The following MED27 variants were observed in gnomAD, a reference collection of about 807,000 sequenced individuals.
MED27 encodes mediator complex subunit 27.
In MED27, 30 loss-of-function variants were observed where a neutral mutation model predicts 38.2. The observed-to-expected ratio is 0.79, with a 90% CI of 0.59 to 1.07. The LOEUF is 1.07. MED27 is among the 50% of genes least tolerant of loss of function. MED27 has a pLI of 0.00. For synonymous variants in MED27, 122 were observed against 153.5 expected (o/e 0.79, Z 1.52); for missense variants, 289 against 397.5 (o/e 0.73, Z 2.32).
chr9:132,028,556 A>G (rs1231777860), intron 2 of MED27, among the ~76,000 whole-genome samples: 1 of 152,154 alleles, frequency 6.6e-6, no homozygotes. Context: ...GCATAACTGC[A>G]CAGCCAGACC....
Position 131,978,556 on chromosome 9 carries a change from G to A in MED27, c.479+35781C>T, listed in dbSNP as rs192927992. Among the ~76,000 whole-genome samples, 752 of 152,256 alleles carry A rather than the reference G, an allele frequency of 4.9e-3. 8 individuals are homozygous for A. The highest frequency in any genetic ancestry group is 0.017 in the Middle Eastern group (5 of 294). ...ATAGTGAAATGCTTATGGATTAAATGATATCTTAGATTTGCTTTGAAATAG... is the reference window on the plus strand; with the variant it reads ...ATAGTGAAATGCTTATGGATTAAATAATATCTTAGATTTGCTTTGAAATAG... On this transcript the variant is annotated intron_variant, in intron 3 of 7. Transcript: ENST00000292035.
intron 2 of MED27, among the ~76,000 whole-genome samples, chr9:132,070,411 G>A (rs534155124): frequency 2.6e-5 from 4 of 152,150 alleles, no homozygotes; most frequent in Non-Finnish European, 5.9e-5. Flanking sequence ...TTAAAAATTA[G>A]CTGGGCGTGG....
intron 4 of MED27, among the ~76,000 whole-genome samples, chr9:131,904,587 G>A (rs1268773989): frequency 2.6e-5 from 4 of 151,242 alleles, no homozygotes; most frequent in African/African-American, 9.7e-5. Flanking sequence ...TTGAACTCCC[G>A]GCCTCGAGCA....
At chr9:132,071,688 A>G (rs1016616346) in intron 2 of MED27, among the ~76,000 whole-genome samples, 6 of 151,968 alleles carry the variant, frequency 3.9e-5, no homozygotes, top group Non-Finnish European at 7.4e-5. Flanking sequence ...GCACACGTGT[A>G]TACGAGTAAC....
At chr9:132,063,304 T>C (rs1833738453) in intron 2 of MED27, among the ~76,000 whole-genome samples, 1 of 152,142 alleles carries the variant, frequency 6.6e-6, no homozygotes, top group Non-Finnish European at 1.5e-5. Context: ...CTCTGAAACC[T>C]TCCTTGAAAG....
intron 4 of MED27, among the ~76,000 whole-genome samples, chr9:131,926,348 G>C (rs1268331051): frequency 6.6e-6 from 1 of 152,192 alleles, no homozygotes; most frequent in Admixed American, 6.5e-5. Flanking sequence ...AAAAAGGCCA[G>C]CCTTCATCAG....
Position 131,862,468 on chromosome 9 carries a change from A to AT in MED27, c.801+594dup, listed in dbSNP as rs1006099049. On this transcript the variant is annotated intron_variant, in intron 7 of 7. Coordinates refer to ENST00000292035, the MANE Select transcript of MED27 (RefSeq NM_004269.4). This position sits in a 1 kb window ranked among gnomAD's most constrained non-coding sequence, Gnocchi z 4.6. ...ACTGGTGGCGGCGTGATAAATGCTG[A>AT]TAAACTGGCCCTGGGGTTCGGGGGA... 7.7e-4 allele frequency among the ~76,000 whole-genome samples: 117 copies of AT among 152,276 alleles called. No individual in the cohort carries two copies. Among genetic ancestry groups the AT allele is most frequent in the African/African-American group, 2.8e-3 (115 of 41,548 alleles).
At chr9:131,999,819 G>A (rs780028363) in intron 3 of MED27, among the ~76,000 whole-genome samples, 4 of 152,234 alleles carry the variant, frequency 2.6e-5, no homozygotes, top group Non-Finnish European at 4.4e-5. Context: ...TACAGGAAAG[G>A]AGGTGACAAG....
intron 3 of MED27, among the ~76,000 whole-genome samples, chr9:131,984,108 G>C (rs1029297780): frequency 6.6e-6 from 1 of 152,126 alleles, no homozygotes; most frequent in Non-Finnish European, 1.5e-5. Flanking sequence ...GACCTACACA[G>C]CTAACTCCCT....
At chr9:131,907,375 G>A (rs1006079939) in intron 4 of MED27, among the ~76,000 whole-genome samples, 9 of 152,140 alleles carry the variant, frequency 5.9e-5, no homozygotes, top group Non-Finnish European at 4.4e-5. Context: ...GCGCCGCCAC[G>A]CCTGACTGGT....
intron 4 of MED27, among the ~76,000 whole-genome samples, chr9:131,933,495 G>A (rs936366222): frequency 1.3e-5 from 2 of 151,864 alleles, no homozygotes; most frequent in East Asian, 1.9e-4. Context: ...AAAGTAATCC[G>A]ATTTAATAGC....
Position 131,973,649 on chromosome 9 carries a change from C to T in MED27, c.480-34175G>A, listed in dbSNP as rs575863074. ...GTCTTGCAGCCATCAAGGGAGCAGCCGGAGGAAGAACAGCAGTTTACAAAG... is the reference window on the plus strand; with the variant it reads ...GTCTTGCAGCCATCAAGGGAGCAGCTGGAGGAAGAACAGCAGTTTACAAAG... On this transcript the variant is annotated intron_variant, in intron 3 of 7. Transcript: ENST00000292035. Among the ~76,000 whole-genome samples the T allele has an allele frequency of 5.9e-5, 9 of 151,798 alleles. No homozygotes were observed. In the South Asian group the frequency reaches 1.2e-3, roughly 21 times the overall value.
At chr9:131,965,087 C>G in intron 3 of MED27, among the ~76,000 whole-genome samples, 1 of 152,220 alleles carries the variant, frequency 6.6e-6, no homozygotes, top group African/African-American at 2.4e-5. Flanking sequence ...GTTCAGATCC[C>G]TTAATCTTTT....
intron 7 of MED27, 31 bp downstream of exon 7, chr9:131,863,032 A>C (rs1401213295): frequency 6.2e-7 from 1 of 1,603,410 alleles, no homozygotes; most frequent in African/African-American, 1.3e-5. Flanking sequence ...CTGAGGTTTA[A>C]ACAGGAGACC....
At chr9:132,076,809 T>C (rs1163016374) in intron 2 of MED27, among the ~76,000 whole-genome samples, 1 of 152,106 alleles carries the variant, frequency 6.6e-6, no homozygotes, top group Non-Finnish European at 1.5e-5. Context: ...TTCATGAGCC[T>C]AATTGTTTCT....
chr9:132,056,488 C>T (rs998569578), intron 2 of MED27, among the ~76,000 whole-genome samples: 1 of 152,154 alleles, frequency 6.6e-6, no homozygotes, highest in African/African-American at 2.4e-5. Flanking sequence ...AATCCAAAAT[C>T]CCAAATTTTT....
At chr9:132,069,079 G>A (rs1186759184) in intron 2 of MED27, among the ~76,000 whole-genome samples, 4 of 152,230 alleles carry the variant, frequency 2.6e-5, no homozygotes, top group Non-Finnish European at 4.4e-5. Flanking sequence ...ATTCCTGGAA[G>A]AGAAGAGGAA....
intron 3 of MED27, among the ~76,000 whole-genome samples, chr9:131,975,900 CA>C (rs1053499051): frequency 3.9e-5 from 6 of 152,202 alleles, no homozygotes; most frequent in African/African-American, 1.4e-4. Context: ...AGAGGAACTA[CA>C]AACTGAGGGA....
intron 2 of MED27, among the ~76,000 whole-genome samples, chr9:132,042,948 A>T (rs1403923478): frequency 6.6e-6 from 1 of 152,206 alleles, no homozygotes; most frequent in Non-Finnish European, 1.5e-5. Flanking sequence ...AGAGGTCAAT[A>T]CACAGATATC....
Sources: gnomAD v4.1 joint callset for allele counts (sites outside exome capture counted in the v4.1 genomes callset) on GRCh38, gnomAD v4.1.1 for gene constraint, Gnocchi (gnomAD v3.1) non-coding constraint, MANE v1.5 for transcripts, NCBI Gene and HGNC (gene_info 2026-07-23, HGNC 2026-07-21) for gene names.